The following CGREF1 variants were observed in gnomAD, a reference collection of about 807,000 sequenced individuals.
The protein encoded by CGREF1 is cell growth regulator with EF hand domain protein 1.
CGREF1 carries 16 observed loss-of-function variants against 17.4 expected under a neutral mutation model. The observed-to-expected ratio is 0.92, with a 90% confidence interval of 0.62 to 1.40. The LOEUF (loss-of-function observed/expected upper bound fraction) is 1.40. Among genes scored for constraint, CGREF1 ranks in the 40% most tolerant of loss-of-function variants. The pLI, the probability that CGREF1 is intolerant of heterozygous loss-of-function variation, is 0.00. For synonymous variants in CGREF1, 142 were observed against 154.6 expected, an observed-to-expected ratio of 0.92 and a Z score of 0.61; for missense variants, 296 against 376.4, an observed-to-expected ratio of 0.79 and a Z score of 1.77.
downstream of CGREF1, chr2:27,099,735 T>C (rs371420943): frequency 1.2e-6 from 2 of 1,613,968 alleles, no homozygotes; most frequent in African/African-American, 2.7e-5. Flanking sequence ...TGCAGGGCTT[T>C]GATGGCATCG....
chr2:27,104,633 G>A (rs1192405595), intron 1 of CGREF1: 15 of 1,550,478 alleles, frequency 9.7e-6, no homozygotes, highest in East Asian at 2.4e-5. Flanking sequence ...AGCTGGGGGC[G>A]CATCCCCACC....
chr2:27,116,905 C>CTCTCTCTCTCTCTCTCTCTCTCTCTG (rs1671599461), intron 1 of CGREF1, among the ~76,000 whole-genome samples: 1 of 119,346 alleles, frequency 8.4e-6, no homozygotes, highest in African/African-American at 3.2e-5. Context: ...CTCTCTCTCT[C>CTCTCTCTCTCTCTCTCTCTCTCTCTG]TCTCTCTCTC....
At position 27,101,345 on chromosome 2, in the gene CGREF1, T is replaced by A; in HGVS notation, c.886A>T (p.Thr296Ser). ...TTTTGGGTGTTCTTAGACTCCAGTG[T>A]TTCCCCTGGAAGTTCCTTGGCCTCC... is the stretch of plus-strand genomic sequence containing the variant. ...GEEAKELPGE[T>S]LESKNTQNDF... The change falls in exon 6 of 6, where the codon ACA becomes TCA. Residue 296 changes from threonine to serine, a missense_variant. By Grantham distance (58) the Thr-to-Ser change is moderately conservative (BLOSUM62 1). This residue lies in a region of CGREF1 where 40 missense variants were observed against 40.8 expected (regional missense o/e 0.98). Coordinates refer to ENST00000402394, the MANE Select transcript of CGREF1 (RefSeq NM_006569.6). The A allele has an allele frequency of 6.2e-7, 1 of 1,610,920 alleles. No individual in the cohort carries two copies.
chr2:27,106,807 A>G (rs1182208958), intron 1 of CGREF1, among the ~76,000 whole-genome samples: 4 of 152,076 alleles, frequency 2.6e-5, no homozygotes, highest in Non-Finnish European at 5.9e-5. Flanking sequence ...TACTAGAGAC[A>G]GAGTTTCGCT....
At position 27,100,602 on chromosome 2, in the gene CGREF1, A is replaced by C; in HGVS notation, c.*672T>G. Reference sequence around the variant, plus strand: ...TTAGAGTGAGACAGACCTGGATTAAAATCTGCCATTTAATTAGCTGCATAT... The same window carrying C: ...TTAGAGTGAGACAGACCTGGATTAACATCTGCCATTTAATTAGCTGCATAT... On this transcript the variant is annotated 3_prime_UTR_variant, in exon 6 of 6. Transcript: ENST00000402394. The C allele has an allele frequency of 2.4e-6, 3 of 1,230,088 alleles. No individual in the cohort carries two copies. The African/African-American group carries it at 4.6e-5, about 19-fold the overall frequency. The allele number at this position is 1,230,088 out of a possible 1,614,324, so 76.2% of individuals were successfully genotyped here.
chr2:27,100,930 G>A lies in CGREF1; in HGVS notation c.*344C>T. The A allele has an allele frequency of 9.0e-7, 1 of 1,108,938 alleles. No homozygotes were observed. The allele number at this position is 1,108,938 out of a possible 1,614,324, so 68.7% of individuals were successfully genotyped here. ...TTCCTCACTGGGTCCTCTGCAGCCGGCCATGGCTAGCACCATGCGCTCTGC... is the reference window on the plus strand; with the variant it reads ...TTCCTCACTGGGTCCTCTGCAGCCGACCATGGCTAGCACCATGCGCTCTGC... On this transcript the variant is annotated 3_prime_UTR_variant, in exon 6 of 6. Transcript: ENST00000402394.
At chr2:27,116,894 T>TC (rs1558466838) in intron 1 of CGREF1, among the ~76,000 whole-genome samples, 2 of 119,674 alleles carry the variant, frequency 1.7e-5, no homozygotes, top group African/African-American at 6.6e-5. Flanking sequence ...TCTCTCTCTC[T>TC]CTCTCTCTCT....
At chr2:27,102,821 A>C in intron 2 of CGREF1, 9 of 673,344 alleles carry the variant, frequency 1.3e-5, no homozygotes, top group Non-Finnish European at 1.7e-5. Context: ...TTAAATGAAA[A>C]CCCAAATAAA....
At chr2:27,100,384 C>G (rs1469381883), downstream of CGREF1, 1 of 1,258,420 alleles carries the variant, frequency 7.9e-7, no homozygotes, top group Admixed American at 2.3e-5. Flanking sequence ...CTGACTGCCC[C>G]AGAGCCTGAA....
intron 2 of CGREF1, among the ~76,000 whole-genome samples, chr2:27,103,246 CT>C (rs1459807020): frequency 6.6e-6 from 1 of 152,218 alleles, no homozygotes; most frequent in Non-Finnish European, 1.5e-5. Flanking sequence ...GTGGCTGTTC[CT>C]GTGGCTGTTT....
At chr2:27,111,474 C>T (rs1671380298) in intron 1 of CGREF1, among the ~76,000 whole-genome samples, 1 of 152,234 alleles carries the variant, frequency 6.6e-6, no homozygotes, top group South Asian at 2.1e-4. Context: ...GCACCGGGGC[C>T]GCAGGTGGAG....
At position 27,102,267 on chromosome 2, in the gene CGREF1, G is replaced by A; in HGVS notation, c.218-46C>T. ...ATTAGAAGAGGTGCCGGGGGAGGTG[G>A]AGAAGGCAGGAGTCAATGGGGCAGC... On this transcript the variant is annotated intron_variant, in intron 4 of 5. Coordinates refer to ENST00000402394, the MANE Select transcript of CGREF1 (RefSeq NM_006569.6). 2.5e-6 allele frequency: 4 copies of A among 1,611,256 alleles called. No individual in the cohort carries two copies. In the South Asian group the frequency reaches 3.3e-5, roughly 13 times the overall value.
At chr2:27,110,741 C>T (rs752839831) in intron 1 of CGREF1, 40 of 160,474 alleles carry the variant, frequency 2.5e-4, no homozygotes, top group Non-Finnish European at 2.7e-4. Flanking sequence ...AAGCCGCGGA[C>T]CCTCGCGGTT....
chr2:27,109,605 G>C (rs1028615573), intron 1 of CGREF1, among the ~76,000 whole-genome samples: 6 of 152,034 alleles, frequency 3.9e-5, no homozygotes, highest in Non-Finnish European at 8.8e-5. Context: ...GCATGTTAAG[G>C]CTGGGCGCGG....
chr2:27,116,871 T>TTCTCTCTCCCTCTCTCTCTCTCTCTC (rs1671586898), intron 1 of CGREF1, among the ~76,000 whole-genome samples: 1 of 33,680 alleles, frequency 3.0e-5, no homozygotes, highest in African/African-American at 1.0e-4. Flanking sequence ...GCCAGGCCTA[T>TTCTCTCTCCCTCTCTCTCTCTCTCTC]TCTCTCTCTC....
chr2:27,108,918 G>A (rs1263387618), intron 1 of CGREF1, among the ~76,000 whole-genome samples: 1 of 151,666 alleles, frequency 6.6e-6, no homozygotes, highest in East Asian at 1.9e-4. Context: ...AAGTAGCTGG[G>A]ACGACATGAA....
At chr2:27,118,050 A>G (rs1438053066) in intron 1 of CGREF1, among the ~76,000 whole-genome samples, 1 of 152,078 alleles carries the variant, frequency 6.6e-6, no homozygotes, top group East Asian at 1.9e-4. Context: ...GGATAACGGT[A>G]TCTGTCTCCT....
intron 1 of CGREF1, among the ~76,000 whole-genome samples, chr2:27,111,132 C>T (rs1299682840): frequency 6.6e-6 from 1 of 152,206 alleles, no homozygotes; most frequent in Non-Finnish European, 1.5e-5. Flanking sequence ...TGCTTTTATT[C>T]TCTTATCCGG....
Position 27,100,738 on chromosome 2 carries a change from T to C in CGREF1, c.*536A>G. The C allele has an allele frequency of 1.7e-6, 2 of 1,146,022 alleles. No individual in the cohort carries two copies. The highest frequency in any genetic ancestry group is 2.2e-6 in the Non-Finnish European group (2 of 904,930). 71.0% of individuals were successfully genotyped at this position (1,146,022 alleles called of 1,614,324 possible). On this transcript the variant is annotated 3_prime_UTR_variant, in exon 6 of 6. Transcript: ENST00000402394. ...TGTGAGGATAAAATCATATATAAAA[T>C]GCCCAGCATGATGCCTGATGTGTAC...
Sources: allele counts gnomAD v4.1 joint callset (sites outside exome capture counted in the v4.1 genomes callset), GRCh38; gene constraint gnomAD v4.1.1; regional missense constraint gnomAD v4.1.1; transcripts MANE v1.5; gene names NCBI Gene and HGNC (gene_info 2026-07-23, HGNC 2026-07-21).